Variants in TENT4B observed in about 807,000 individuals in gnomAD.
The protein encoded by TENT4B is PAP associated domain containing 5.
In TENT4B, 10 loss-of-function variants were observed where a neutral mutation model predicts 75.0. The observed-to-expected ratio is 0.13, with a 90% CI of 0.08 to 0.23. TENT4B has a LOEUF of 0.23. Ranked by LOEUF, TENT4B falls within the 10% of genes least tolerant of loss-of-function variation. TENT4B has a pLI of 1.00. For missense variants in TENT4B, 579 were observed against 893.8 expected (o/e 0.65, Z 4.49); for synonymous variants, 350 against 357.7 (o/e 0.98, Z 0.24).
intron 10 of TENT4B, among the ~76,000 whole-genome samples, 189 bp downstream of exon 10, chr16:50,225,474 A>G (rs1453959166): frequency 1.3e-5 from 2 of 152,212 alleles, no homozygotes; most frequent in Non-Finnish European, 2.9e-5. Flanking sequence ...GTAAAAGTGA[A>G]CAAATTTTAG....
At chr16:50,216,313 A>G in intron 4 of TENT4B, 118 bp downstream of exon 4, 1 of 1,317,378 alleles carries the variant, frequency 7.6e-7, no homozygotes, top group Non-Finnish European at 1.0e-6. Flanking sequence ...TCATTTTGTT[A>G]ATGTCACCGT....
In TENT4B at chr16:50,234,168, C is replaced by T. The variant is rs2032379054; in HGVS notation, c.*4840C>T. On this transcript the variant is annotated 3_prime_UTR_variant, in exon 12 of 12. Coordinates refer to ENST00000561678, the MANE Select transcript of TENT4B (RefSeq NM_001365324.3). ...GAGAAACTATGAAGTAAACAAGTTGCTCAGGCCGGGCATGGTGGCTCACGC... is the reference window on the plus strand; with the variant it reads ...GAGAAACTATGAAGTAAACAAGTTGTTCAGGCCGGGCATGGTGGCTCACGC... 1.6e-5 allele frequency: 16 copies of T among 985,308 alleles called. No homozygotes were observed. Among genetic ancestry groups the T allele is most frequent in the African/African-American group, 3.5e-5 (2 of 57,214 alleles). The allele number at this position is 985,308 out of a possible 1,614,324, so 61.0% of individuals were successfully genotyped here.
upstream of TENT4B, among the ~76,000 whole-genome samples, chr16:50,153,280 C>T (rs1266425285): frequency 7.3e-6 from 1 of 137,444 alleles, no homozygotes. Context: ...GTCTCGCTGC[C>T]GCCGCTGCCG....
chr16:50,155,076 T>G (rs771987047), intron 1 of TENT4B, among the ~76,000 whole-genome samples: 15 of 152,174 alleles, frequency 9.9e-5, no homozygotes, highest in Non-Finnish European at 1.8e-4. Flanking sequence ...TTTATGCTAA[T>G]GAGTGAATAT....
At chr16:50,194,407 G>T (rs1045392213) in intron 1 of TENT4B, among the ~76,000 whole-genome samples, 2 of 151,566 alleles carry the variant, frequency 1.3e-5, no homozygotes, top group Non-Finnish European at 2.9e-5. Flanking sequence ...TAGAGACGGG[G>T]TTTCATCACG....
chr16:50,184,251 T>C (rs1460276751), intron 1 of TENT4B, among the ~76,000 whole-genome samples: 6 of 152,262 alleles, frequency 3.9e-5, no homozygotes, highest in African/African-American at 1.2e-4. Context: ...ATCTGTGTTA[T>C]AGCATGTATC....
In TENT4B at chr16:50,214,263, A is replaced by T; in HGVS notation, c.805A>T (p.Thr269Ser). 1 of 1,588,014 alleles carries T rather than the reference A, an allele frequency of 6.3e-7. No homozygotes were observed. The highest frequency in any genetic ancestry group is 8.6e-7 in the Non-Finnish European group (1 of 1,159,118). Residue 269 changes from threonine (T) to serine (S), a missense_variant, in exon 3 of 12, where the codon ACT (threonine) becomes TCT (serine). This residue lies in a region of TENT4B where 2 missense variants were observed against 25.4 expected (regional missense o/e 0.08). Coordinates refer to ENST00000561678, the MANE Select transcript of TENT4B (RefSeq NM_001365324.3). ...GSFKTGLYLP[T>S]SDIDLVVFGK... ...TTTTAAAACTGGACTTTATTTACCT[A>T]CTAGGTTAGTACACTCATGAATCTT...
chr16:50,158,220 G>A (rs2037938549), intron 1 of TENT4B, among the ~76,000 whole-genome samples: 1 of 152,172 alleles, frequency 6.6e-6, no homozygotes, highest in Admixed American at 6.5e-5. Flanking sequence ...CCGAGTAACT[G>A]GGATTACAGG....
intron 1 of TENT4B, among the ~76,000 whole-genome samples, chr16:50,197,861 T>C (rs1451808061): frequency 1.3e-5 from 2 of 152,178 alleles, no homozygotes; most frequent in African/African-American, 4.8e-5. Context: ...ATAGTCTGTT[T>C]ACATCTCCAT....
At position 50,154,215 on chromosome 16, in the gene TENT4B, C is replaced by T; in HGVS notation, c.594C>T (p.Ser198=). 6.8e-7 allele frequency: 1 copy of T among 1,477,516 alleles called. No homozygotes were observed. The highest frequency in any genetic ancestry group is 8.9e-7 in the Non-Finnish European group (1 of 1,122,582). The allele number at this position is 1,477,516 out of a possible 1,614,324, so 91.5% of individuals were successfully genotyped here. A position where few individuals can be genotyped will look rare whatever the true frequency, so the allele number is the denominator to read the frequency against. ...CAGACGGCGGCGGGGTCGTGTACAGCGGGACCCCGTGGAAACGGAGGAACT... is the reference window on the plus strand; with the variant it reads ...CAGACGGCGGCGGGGTCGTGTACAGTGGGACCCCGTGGAAACGGAGGAACT... ...GRADGGGVVY[S]GTPWKRRNYN... is the part of the protein sequence containing the mutation. The change falls in exon 1 of 12, where the codon AGC becomes AGT. Residue 198 remains serine, a synonymous_variant. Coordinates refer to ENST00000561678, the MANE Select transcript of TENT4B (RefSeq NM_001365324.3).
intron 1 of TENT4B, among the ~76,000 whole-genome samples, chr16:50,210,969 A>G (rs2031247427): frequency 6.6e-6 from 1 of 152,220 alleles, no homozygotes; most frequent in African/African-American, 2.4e-5. Context: ...CCCAAGAGAT[A>G]AGAGGGTCAG....
At chr16:50,196,353 A>G (rs11462843) in intron 1 of TENT4B, among the ~76,000 whole-genome samples, 9 of 119,740 alleles carry the variant, frequency 7.5e-5, no homozygotes, top group Non-Finnish European at 3.8e-5. Context: ...TAGGAGTGTG[A>G]AAAAAAAGAT....
At chr16:50,176,442 T>TA (rs1308118290) in intron 1 of TENT4B, among the ~76,000 whole-genome samples, 2 of 147,428 alleles carry the variant, frequency 1.4e-5, no homozygotes, top group Non-Finnish European at 3.0e-5. Context: ...TAAGTGGACA[T>TA]ATGTAGATCC....
In TENT4B at chr16:50,234,181, T is replaced by C. The variant is rs768408832; in HGVS notation, c.*4853T>C. On this transcript the variant is annotated 3_prime_UTR_variant, in exon 12 of 12. Transcript: ENST00000561678. ...GTAAACAAGTTGCTCAGGCCGGGCA[T>C]GGTGGCTCACGCCTGTAATCCCAGC... 2.2e-5 allele frequency: 22 copies of C among 985,388 alleles called. No homozygotes were observed. Among genetic ancestry groups the C allele is most frequent in the Non-Finnish European group, 2.5e-5 (21 of 830,000 alleles). 61.0% of individuals were successfully genotyped at this position (985,388 alleles called of 1,614,324 possible).
chr16:50,209,167 T>TC (rs964218137), intron 1 of TENT4B, among the ~76,000 whole-genome samples: 10 of 152,014 alleles, frequency 6.6e-5, no homozygotes, highest in Non-Finnish European at 8.8e-5. Flanking sequence ...AGGAGATTTT[T>TC]CCCCCCCATT....
Position 50,188,403 on chromosome 16 carries a change from A to G in TENT4B, c.639-22920A>G, listed in dbSNP as rs145681283. Among the ~76,000 whole-genome samples, 247 of 152,292 alleles carry G rather than the reference A, an allele frequency of 1.6e-3. 1 individual carries two copies. The highest frequency in any genetic ancestry group is 5.2e-3 in the African/African-American group (215 of 41,560). On this transcript the variant is annotated intron_variant, in intron 1 of 11. Coordinates refer to ENST00000561678, the MANE Select transcript of TENT4B (RefSeq NM_001365324.3). The stretch of plus-strand genomic sequence containing the variant: ...ACTCCGTTCTTGATTGTTAGTACAA[A>G]TTAGTTAAAATTGTATTGTTTGGCC...
chr16:50,211,236 A>T, intron 1 of TENT4B, 87 bp from the exon 2 acceptor site: 1 of 1,325,166 alleles, frequency 7.5e-7, no homozygotes, highest in Non-Finnish European at 1.0e-6. Flanking sequence ...GCTGAATTAT[A>T]AGACTTAATT....
At chr16:50,152,995 A>G (rs2037787726), upstream of TENT4B, 3 of 1,516,276 alleles carry the variant, frequency 2.0e-6, no homozygotes, top group Non-Finnish European at 2.6e-6. Flanking sequence ...GCCGAGGCGG[A>G]GAAGCCGCGC....
Position 50,235,276 on chromosome 16 carries a change from C to A in TENT4B, c.*5948C>A. 1 of 153,932 alleles carries A rather than the reference C, an allele frequency of 6.5e-6. No homozygotes were observed. The highest frequency in any genetic ancestry group is 1.4e-5 in the Non-Finnish European group (1 of 69,546). 9.5% of individuals were successfully genotyped at this position (153,932 alleles called of 1,614,324 possible). On this transcript the variant is annotated 3_prime_UTR_variant, in exon 12 of 12. Coordinates refer to ENST00000561678, the MANE Select transcript of TENT4B (RefSeq NM_001365324.3). ...GGTTTATTATTCATAATCTGCAATT[C>A]AATAAAGGCTTTGTGTTTTCATTTA...
Sources: allele counts gnomAD v4.1 joint callset (sites outside exome capture counted in the v4.1 genomes callset), GRCh38; gene constraint gnomAD v4.1.1; regional missense constraint gnomAD v4.1.1; transcripts MANE v1.5; gene names NCBI Gene and HGNC (gene_info 2026-07-23, HGNC 2026-07-21).